The following F8 variants were observed in gnomAD, a reference collection of about 807,000 sequenced individuals.
F8 encodes coagulation factor VIII.
In F8, 12 loss-of-function variants were observed where a neutral mutation model predicts 140.6. The ratio of observed to expected loss-of-function variants is 0.09; its 90% CI spans 0.05 to 0.14. The LOEUF (loss-of-function observed/expected upper bound fraction) is 0.14. Among genes scored for constraint, F8 ranks in the 10% least tolerant of loss-of-function variants. The probability of loss-of-function intolerance (pLI) is 1.00; values close to 1 mark genes in which losing one functional copy is unlikely to be tolerated. For missense variants in F8, 1,354 were observed against 1,720.7 expected, an observed-to-expected ratio of 0.79 and a Z score of 3.77; for synonymous variants, 585 against 614.6, an observed-to-expected ratio of 0.95 and a Z score of 0.71.
rs782810012 is a variant in F8 at position 154,931,019 on chromosome X, C to T, written c.2771G>A (p.Gly924Glu). Residue 924 changes from glycine (G) to glutamate (E), a missense_variant, in exon 14 of 26, where the codon GGA (glycine) becomes GAA (glutamate). Gly to Glu is a moderately conservative substitution (Grantham distance 98, BLOSUM62 -2). This residue lies in a region of F8 where 658 missense variants were observed against 666.5 expected (regional missense o/e 0.99). Coordinates refer to ENST00000360256, the MANE Select transcript of F8 (RefSeq NM_000132.4). Reference protein sequence around the residue: ...AAGTDNTSSLGPPSMPVHYDS... With the variant: ...AAGTDNTSSLEPPSMPVHYDS... Reference sequence around the variant, plus strand: ...ATAATGAACTGGCATACTTGGGGGTCCTAAGGAACTTGTATTATCAGTACC... The same window carrying T: ...ATAATGAACTGGCATACTTGGGGGTTCTAAGGAACTTGTATTATCAGTACC... 6.7e-6 allele frequency: 8 copies of T among 1,189,446 alleles called. No homozygotes were observed. The African/African-American group carries it at 1.4e-4, about 21-fold the overall frequency.
chrX:154,948,278 G>A (rs185190566), intron 12 of F8, among the ~76,000 whole-genome samples: 2 of 111,670 alleles, frequency 1.8e-5, no homozygotes, highest in East Asian at 5.6e-4. Flanking sequence ...AGCAGGACAA[G>A]TAGTTACTTG....
chrX:154,938,835 T>C (rs972271024), intron 13 of F8, among the ~76,000 whole-genome samples: 6 of 108,708 alleles, frequency 5.5e-5, no homozygotes, highest in Non-Finnish European at 9.6e-5. Context: ...AAAATGATCA[T>C]AGATGGAAGC....
chrX:154,982,917 G>C (rs1375196244), intron 6 of F8, among the ~76,000 whole-genome samples: 1 of 112,259 alleles, frequency 8.9e-6, no homozygotes, highest in African/African-American at 3.2e-5. Flanking sequence ...AAAATATACA[G>C]CATATAATAC....
intron 22 of F8, among the ~76,000 whole-genome samples, chrX:154,894,738 C>T (rs1432863799): frequency 1.1e-5 from 1 of 94,864 alleles, no homozygotes; most frequent in Non-Finnish European, 2.1e-5. Flanking sequence ...TTCCTACCCC[C>T]CCTCAAAAAG....
chrX:154,876,441 G>T (rs2072817539), intron 22 of F8, among the ~76,000 whole-genome samples: 1 of 111,377 alleles, frequency 9.0e-6, no homozygotes, highest in Non-Finnish European at 1.9e-5. Flanking sequence ...AAATTATTCT[G>T]CCATGTAGCA....
At chrX:154,980,384 T>C (rs2073511560) in intron 6 of F8, among the ~76,000 whole-genome samples, 1 of 112,078 alleles carries the variant, frequency 8.9e-6, no homozygotes, top group African/African-American at 3.3e-5. Flanking sequence ...TTAAATTTCT[T>C]TGATAAACTT....
rs1557284781 is a variant in F8, at chrX:154,992,942, T to C, written c.595A>G (p.Arg199Gly). ...TACGCTTTCATACACTTACCTTCTC[T>C]ACATACTAGTAGGGCTCCAATGAGG... ...SGLIGALLVC[R>G]EGSLAKEKTQ... is the part of the protein sequence containing the mutation. The change falls in exon 4 of 26, where the codon AGA becomes GGA. Residue 199 changes from arginine to glycine, a missense_variant. Transcript: ENST00000360256. 1 of 1,208,990 alleles carries C rather than the reference T, an allele frequency of 8.3e-7. No individual in the cohort carries two copies. Among genetic ancestry groups the C allele is most frequent in the Non-Finnish European group, 1.1e-6 (1 of 892,956 alleles).
At chrX:154,850,768 C>T (rs2072609956) in intron 25 of F8, among the ~76,000 whole-genome samples, 1 of 111,491 alleles carries the variant, frequency 9.0e-6, no homozygotes, top group Non-Finnish European at 1.9e-5. Flanking sequence ...GAGAGGGGTT[C>T]ACATTGTTTA....
At chrX:154,989,571 A>C (rs2073576567) in intron 4 of F8, among the ~76,000 whole-genome samples, 1 of 112,136 alleles carries the variant, frequency 8.9e-6, no homozygotes, top group Non-Finnish European at 1.9e-5. Flanking sequence ...TAATAGATAC[A>C]TCACTGTTGA....
At chrX:154,838,792 A>G (rs1172677666) in intron 25 of F8, among the ~76,000 whole-genome samples, 1 of 111,856 alleles carries the variant, frequency 8.9e-6, no homozygotes, top group Admixed American at 9.5e-5. Context: ...GATCCTACAG[A>G]GAGTTTAGCT....
At chrX:155,011,378 G>A (rs1345118607) in intron 1 of F8, among the ~76,000 whole-genome samples, 10 of 112,500 alleles carry the variant, frequency 8.9e-5, no homozygotes, top group Admixed American at 2.8e-4. Flanking sequence ...ACACTAGGAT[G>A]AGTATAATTA....
intron 1 of F8, among the ~76,000 whole-genome samples, chrX:155,001,236 A>G (rs1348188544): frequency 6.3e-5 from 7 of 110,982 alleles, no homozygotes; most frequent in African/African-American, 2.3e-4. Context: ...CTAAATTGGT[A>G]AACCAGTGAC....
chrX:154,945,563 C>G (rs185729407), intron 13 of F8, among the ~76,000 whole-genome samples: 1 of 111,790 alleles, frequency 8.9e-6, no homozygotes, highest in Non-Finnish European at 1.9e-5. Context: ...TGAGAAAACT[C>G]TAAACAAACT....
chrX:154,981,970 G>A lies in F8; in HGVS notation c.787+2717C>T, dbSNP rs781964775. Among the ~76,000 whole-genome samples, 3 of 111,538 alleles carry A rather than the reference G, an allele frequency of 2.7e-5. No individual in the cohort carries two copies. The East Asian group carries it at 8.4e-4, about 31-fold the overall frequency. On this transcript the variant is annotated intron_variant, in intron 6 of 25. Transcript: ENST00000360256. ...GGAGGCCAAGGCGGGCAGATCACGAGGTCAGGAGTTCAAGACCGGCCTGGC... is the reference window on the plus strand; with the variant it reads ...GGAGGCCAAGGCGGGCAGATCACGAAGTCAGGAGTTCAAGACCGGCCTGGC...
chrX:154,933,525 C>T (rs2073208889), intron 13 of F8, among the ~76,000 whole-genome samples: 1 of 112,336 alleles, frequency 8.9e-6, no homozygotes, highest in Admixed American at 9.4e-5. Flanking sequence ...GGGAATTCGA[C>T]ATCCATTAAG....
chrX:154,837,837 G>A (rs2072486927), intron 25 of F8, 85 bp from the exon 26 acceptor site: 1 of 933,618 alleles, frequency 1.1e-6, no homozygotes, highest in Non-Finnish European at 1.5e-6. Flanking sequence ...ACTTCTAGTT[G>A]TTTCCAGTAG....
At chrX:154,977,886 T>A (rs2073496430) in intron 6 of F8, among the ~76,000 whole-genome samples, 1 of 110,866 alleles carries the variant, frequency 9.0e-6, no homozygotes, top group Non-Finnish European at 1.9e-5. Flanking sequence ...TCTGGGACAC[T>A]GAAGATTCAA....
rs2073367995 is a variant in F8 at position 154,956,989 on chromosome X, A to G, written c.1720T>C (p.Tyr574His). The G allele has an allele frequency of 8.3e-7, 1 of 1,211,473 alleles. No homozygotes were observed. Among genetic ancestry groups the G allele is most frequent in the African/African-American group, 1.7e-5 (1 of 57,855 alleles). ...CCTCTTTGATCTACAGATTCTTTGTAGCAGATGAGGAGAGGGCCAATGAGT... is the reference window on the plus strand; with the variant it reads ...CCTCTTTGATCTACAGATTCTTTGTGGCAGATGAGGAGAGGGCCAATGAGT... ...SGLIGPLLIC[Y>H]KESVDQRGNQ... is the part of the protein sequence containing the mutation. The change falls in exon 11 of 26, where the codon TAC becomes CAC. Residue 574 changes from tyrosine (Y) to histidine (H), a missense_variant. Transcript: ENST00000360256.
intron 25 of F8, among the ~76,000 whole-genome samples, chrX:154,844,615 T>C (rs2072548696): frequency 9.0e-6 from 1 of 111,204 alleles, no homozygotes; most frequent in Admixed American, 9.6e-5. Context: ...TGTATAAGAA[T>C]GCTTGTGATT....
Sources: allele counts gnomAD v4.1 joint callset (sites outside exome capture counted in the v4.1 genomes callset), GRCh38; gene constraint gnomAD v4.1.1; regional missense constraint gnomAD v4.1.1; transcripts MANE v1.5; gene names NCBI Gene and HGNC (gene_info 2026-07-23, HGNC 2026-07-21).